UQCC2: variants seen among roughly 807,000 people sequenced by gnomAD.
The protein encoded by UQCC2 is breast cancer-associated protein SGA-81M.
In UQCC2, 21 loss-of-function variants were observed where a neutral mutation model predicts 19.9. The observed-to-expected ratio is 1.05, with a 90% CI of 0.75 to 1.52. UQCC2 has a LOEUF of 1.52. Ranked by LOEUF, UQCC2 falls within the 40% of genes most tolerant of loss-of-function variation. The pLI, the probability that UQCC2 is intolerant of heterozygous loss-of-function variation, is 0.00. For synonymous variants in UQCC2, 57 were observed against 60.9 expected, an observed-to-expected ratio of 0.94 and a Z score of 0.30; for missense variants, 135 against 157.5, an observed-to-expected ratio of 0.86 and a Z score of 0.76.
At position 33,702,373 on chromosome 6, in the gene UQCC2, A is replaced by G. The variant is rs74828884; in HGVS notation, c.139-953T>C. On this transcript the variant is annotated intron_variant, in intron 1 of 3. Transcript: ENST00000607484. Reference sequence around the variant, plus strand: ...AAATCATCTGAGTTCTCAATCTATGATAAGTGGGGAGCTGCTGAAACTCTA... The same window carrying G: ...AAATCATCTGAGTTCTCAATCTATGGTAAGTGGGGAGCTGCTGAAACTCTA... Among the ~76,000 whole-genome samples, 1,435 of 152,172 alleles carry G rather than the reference A, an allele frequency of 9.4e-3. 17 individuals are homozygous for G. The highest frequency in any genetic ancestry group is 0.014 in the Middle Eastern group (4 of 294).
chr6:33,698,261 G>A (rs1436930355), intron 3 of UQCC2: 2 of 156,538 alleles, frequency 1.3e-5, no homozygotes, highest in Non-Finnish European at 2.9e-5. Context: ...CACATGCTGT[G>A]GAGTTGAGCA....
intron 1 of UQCC2, among the ~76,000 whole-genome samples, chr6:33,706,253 G>GTTT (rs1422082688): frequency 6.6e-6 from 1 of 152,184 alleles, no homozygotes; most frequent in African/African-American, 2.4e-5. Flanking sequence ...ATAAAAAAAG[G>GTTT]TTTTCAAGAC....
intron 2 of UQCC2, among the ~76,000 whole-genome samples, chr6:33,700,889 T>C (rs1489934742): frequency 6.6e-6 from 1 of 152,244 alleles, no homozygotes; most frequent in Admixed American, 6.5e-5. Context: ...GTGGAGTTAA[T>C]GAGCATATTT....
chr6:33,703,247 C>A (rs1197430556), intron 1 of UQCC2, among the ~76,000 whole-genome samples: 1 of 152,152 alleles, frequency 6.6e-6, no homozygotes, highest in African/African-American at 2.4e-5. Flanking sequence ...TCACTGCAAA[C>A]TCCCCTCCTG....
intron 1 of UQCC2, among the ~76,000 whole-genome samples, chr6:33,708,611 C>G (rs1765728496): frequency 6.6e-6 from 1 of 152,150 alleles, no homozygotes; most frequent in African/African-American, 2.4e-5. Flanking sequence ...AGCTACTTTC[C>G]CCTCCAGTTC....
chr6:33,707,513 T>C (rs1350841061), intron 1 of UQCC2, among the ~76,000 whole-genome samples: 4 of 152,232 alleles, frequency 2.6e-5, no homozygotes, highest in African/African-American at 7.2e-5. Flanking sequence ...TTTACCTTAT[T>C]AGAAACCCAA....
chr6:33,704,283 G>A (rs185728773), intron 1 of UQCC2, among the ~76,000 whole-genome samples: 66 of 152,326 alleles, frequency 4.3e-4, no homozygotes, highest in Admixed American at 1.8e-3. Flanking sequence ...ATGGGCCTAT[G>A]GGGCCAGGCA....
At position 33,697,369 on chromosome 6, in the gene UQCC2, A is replaced by T; in HGVS notation, c.*284T>A. 1 of 316,644 alleles carries T rather than the reference A, an allele frequency of 3.2e-6. No homozygotes were observed. The highest frequency in any genetic ancestry group is 5.8e-6 in the Non-Finnish European group (1 of 173,624). 19.6% of individuals were successfully genotyped at this position (316,644 alleles called of 1,614,324 possible). A position where few individuals can be genotyped will look rare whatever the true frequency, so the allele number is the denominator to read the frequency against. On this transcript the variant is annotated 3_prime_UTR_variant, in exon 4 of 4. Coordinates refer to ENST00000607484, the MANE Select transcript of UQCC2 (RefSeq NM_032340.4). ...CGGGGGCTCCCGTGGCAATGCAGGA[A>T]GCACCTTGTGCCGAGGCCCCATTAC... is the stretch of plus-strand genomic sequence containing the variant.
intron 1 of UQCC2, among the ~76,000 whole-genome samples, chr6:33,706,738 A>G (rs1449526532): frequency 6.6e-6 from 1 of 152,244 alleles, no homozygotes; most frequent in African/African-American, 2.4e-5. Context: ...AGGGGAACCC[A>G]GGGAGGGCTC....
At position 33,701,426 on chromosome 6, in the gene UQCC2, A is replaced by G. The variant is rs1283675403; in HGVS notation, c.139-6T>C. 5 of 1,613,024 alleles carry G rather than the reference A, an allele frequency of 3.1e-6. No individual in the cohort carries two copies. The highest frequency in any genetic ancestry group is 1.3e-5 in the African/African-American group (1 of 74,872). ...CAGGCCTCAGGCTCTGCAACCTGAA[A>G]AGCAAAGAATCCCAAAGGAGGTGAG... On this transcript the variant is annotated splice_polypyrimidine_tract_variant and splice_region_variant and intron_variant, in intron 1 of 3. Transcript: ENST00000607484.
intron 1 of UQCC2, among the ~76,000 whole-genome samples, chr6:33,707,104 C>T (rs1765709501): frequency 6.6e-6 from 1 of 152,234 alleles, no homozygotes; most frequent in Non-Finnish European, 1.5e-5. Context: ...AGCACTGCAG[C>T]TTTACATATG....
chr6:33,709,547 T>C (rs1413408552), intron 1 of UQCC2, among the ~76,000 whole-genome samples: 1 of 152,040 alleles, frequency 6.6e-6, no homozygotes. Flanking sequence ...AGTTCACGGG[T>C]TTGTAGAATT....
intron 1 of UQCC2, among the ~76,000 whole-genome samples, chr6:33,703,158 C>T (rs779687216): frequency 2.6e-5 from 4 of 152,190 alleles, no homozygotes; most frequent in Non-Finnish European, 4.4e-5. Context: ...CACATCTGGG[C>T]GAACACATCT....
At chr6:33,697,793 A>T in intron 3 of UQCC2, 43 bp from the exon 4 acceptor site, 1 of 1,540,582 alleles carries the variant, frequency 6.5e-7, no homozygotes, top group Non-Finnish European at 8.9e-7. Context: ...CTGAAGTCTA[A>T]AACTTGATGA....
Position 33,711,667 on chromosome 6 carries a change from C to T in UQCC2, c.20G>A (p.Arg7Gln). 5 of 1,611,986 alleles carry T rather than the reference C, an allele frequency of 3.1e-6. No homozygotes were observed. The highest frequency in any genetic ancestry group is 4.2e-6 in the Non-Finnish European group (5 of 1,179,368). The change falls in exon 1 of 4, where the codon CGG (arginine) becomes CAG (glutamine). Residue 7 changes from arginine (R) to glutamine (Q), a missense_variant. Arg to Gln is a conservative substitution (Grantham distance 43). Transcript: ENST00000607484. Reference sequence around the variant, plus strand: ...TTCCTCACAGAGCTTAAGAAAACGCCGGTACCGGCTGGCCGCCATCTTGGG... The same window carrying T: ...TTCCTCACAGAGCTTAAGAAAACGCTGGTACCGGCTGGCCGCCATCTTGGG... MAASRYRRFLKLCEEWP... is the reference protein window; with the variant it reads MAASRYQRFLKLCEEWP...
At chr6:33,705,505 G>A (rs1765689724) in intron 1 of UQCC2, among the ~76,000 whole-genome samples, 1 of 152,174 alleles carries the variant, frequency 6.6e-6, no homozygotes, top group Non-Finnish European at 1.5e-5. Context: ...TGTAAAAGCA[G>A]CTCAGTGGAG....
In UQCC2 at chr6:33,697,559, A is replaced by G; in HGVS notation, c.*94T>C. On this transcript the variant is annotated 3_prime_UTR_variant, in exon 4 of 4. Coordinates refer to ENST00000607484, the MANE Select transcript of UQCC2 (RefSeq NM_032340.4). ...TGGGAAAGCTAGAGGAGATTCCCAA[A>G]CCGTAAGGTCAAGGGGAAACTGGGG... 2.1e-6 allele frequency: 2 copies of G among 952,728 alleles called. No individual in the cohort carries two copies. Among genetic ancestry groups the G allele is most frequent in the East Asian group, 4.9e-5 (2 of 40,426 alleles). The allele number at this position is 952,728 out of a possible 1,614,324, so 59.0% of individuals were successfully genotyped here.
Position 33,701,343 on chromosome 6 carries a change from C to G in UQCC2, c.213+3G>C. 6.2e-7 allele frequency: 1 copy of G among 1,611,888 alleles called. No homozygotes were observed. The highest frequency in any genetic ancestry group is 8.5e-7 in the Non-Finnish European group (1 of 1,179,118). On this transcript the variant is annotated splice_donor_region_variant and intron_variant, in intron 2 of 3. Coordinates refer to ENST00000607484, the MANE Select transcript of UQCC2 (RefSeq NM_032340.4). Reference sequence around the variant, plus strand: ...GGTATATAAAAGACTGTGGCCCACTCACCTTGTGTTTGTAGTAGTTTGAAT... The same window carrying G: ...GGTATATAAAAGACTGTGGCCCACTGACCTTGTGTTTGTAGTAGTTTGAAT...
chr6:33,701,249 CAA>C, intron 2 of UQCC2, 95 bp downstream of exon 2: 1 of 1,348,766 alleles, frequency 7.4e-7, no homozygotes, highest in Non-Finnish European at 1.0e-6. Context: ...GCAGCAAAGC[CAA>C]GTCTTTACAA....
Sources: gnomAD v4.1 joint callset for allele counts (sites outside exome capture counted in the v4.1 genomes callset) on GRCh38, gnomAD v4.1.1 for gene constraint, MANE v1.5 for transcripts, NCBI Gene and HGNC (gene_info 2026-07-23, HGNC 2026-07-21) for gene names.